PPWD1: variants seen among roughly 807,000 people sequenced by gnomAD.
The protein encoded by PPWD1 is peptidylprolyl isomerase domain and WD repeat containing 1, also known as peptidylprolyl isomerase domain and WD repeat-containing protein 1.
A neutral mutation model predicts 68.8 loss-of-function variants in PPWD1; 43 were observed. The observed-to-expected ratio is 0.62, with a 90% CI of 0.49 to 0.81. PPWD1 has a LOEUF of 0.81. Among genes scored for constraint, PPWD1 ranks in the 30% least tolerant of loss-of-function variants. The pLI is 0.00. For synonymous variants in PPWD1, 232 were observed against 258.7 expected, an observed-to-expected ratio of 0.90 and a Z score of 0.99; for missense variants, 672 against 804.8, an observed-to-expected ratio of 0.83 and a Z score of 2.00.
chr5:65,583,194 A>G lies in PPWD1; in HGVS notation c.1507A>G (p.Ile503Val). The G allele has an allele frequency of 6.3e-7, 1 of 1,593,942 alleles. No individual in the cohort carries two copies. The highest frequency in any genetic ancestry group is 8.5e-7 in the Non-Finnish European group (1 of 1,172,684). The change falls in exon 8 of 11, where the codon ATT (isoleucine) becomes GTT (valine). Residue 503 changes from isoleucine to valine, a missense_variant. By Grantham distance (29) the Ile-to-Val change is conservative (BLOSUM62 3). Transcript: ENST00000261308. ...SAIIHTSMGDIHTKLFPVECP... is the reference protein window; with the variant it reads ...SAIIHTSMGDVHTKLFPVECP... ...CATTATCCACACCAGCATGGGAGAC[A>G]TTCACACCAAACTTTTTCCTGTTGA...
chr5:65,568,910 A>T (rs1049735945), intron 2 of PPWD1: 4 of 455,496 alleles, frequency 8.8e-6, no homozygotes, highest in African/African-American at 8.0e-5. Context: ...TTGTTTTTTT[A>T]ACCCAAGACA....
intron 1 of PPWD1, chr5:65,563,941 T>A: frequency 9.1e-7 from 1 of 1,099,202 alleles, no homozygotes; most frequent in Non-Finnish European, 1.3e-6. Context: ...TTATTTCGAA[T>A]CATGGTAGGT....
At chr5:65,571,268 C>T (rs531609347) in intron 4 of PPWD1, among the ~76,000 whole-genome samples, 1 of 152,146 alleles carries the variant, frequency 6.6e-6, no homozygotes, top group African/African-American at 2.4e-5. Context: ...TGTTTTAGTA[C>T]AATTGATTAG....
intron 7 of PPWD1, among the ~76,000 whole-genome samples, chr5:65,581,682 CTTTTCCA>C (rs1342415878): frequency 6.6e-6 from 1 of 152,162 alleles, no homozygotes; most frequent in East Asian, 1.9e-4. Context: ...TATATTTTTT[CTTTTCCA>C]AGTTTACTTG....
chr5:65,573,493 A>G, intron 5 of PPWD1, among the ~76,000 whole-genome samples: 1 of 66,668 alleles, frequency 1.5e-5, no homozygotes, highest in African/African-American at 6.7e-5. Flanking sequence ...TTTATTAGAG[A>G]TGGGTTTTTT....
At chr5:65,583,268 T>C (rs1246106499) in intron 8 of PPWD1, 49 bp downstream of exon 8, 33 of 1,374,534 alleles carry the variant, frequency 2.4e-5, no homozygotes, top group Non-Finnish European at 2.8e-5. Flanking sequence ...AGAATGTAAA[T>C]GTGTATATCT....
intron 7 of PPWD1, among the ~76,000 whole-genome samples, chr5:65,580,385 C>T (rs925366600): frequency 1.3e-5 from 2 of 152,198 alleles, no homozygotes; most frequent in Non-Finnish European, 2.9e-5. Flanking sequence ...ATTTGCTACA[C>T]GAACCATACT....
At chr5:65,576,286 G>A (rs976176989) in intron 5 of PPWD1, 2 of 981,696 alleles carry the variant, frequency 2.0e-6, no homozygotes, top group African/African-American at 3.5e-5. Flanking sequence ...AAAGGCAGCA[G>A]ATGTATTCTG....
chr5:65,575,077 ATT>A (rs1180731267), intron 5 of PPWD1, among the ~76,000 whole-genome samples: 1 of 152,220 alleles, frequency 6.6e-6, no homozygotes, highest in Non-Finnish European at 1.5e-5. Context: ...ATCTTTTAGT[ATT>A]TATTAACCAG....
chr5:65,568,693 C>A (rs1259875057), intron 2 of PPWD1, among the ~76,000 whole-genome samples: 2 of 152,042 alleles, frequency 1.3e-5, no homozygotes, highest in Non-Finnish European at 2.9e-5. Flanking sequence ...GATTACTTTA[C>A]ACTTTTTTAG....
At chr5:65,563,757 T>A (rs1198790239) in intron 1 of PPWD1, 7 of 1,461,302 alleles carry the variant, frequency 4.8e-6, no homozygotes. Flanking sequence ...AAAACTAACA[T>A]TTTCCTATTC....
intron 5 of PPWD1, among the ~76,000 whole-genome samples, chr5:65,574,149 G>A (rs1474054132): frequency 5.3e-5 from 8 of 152,144 alleles, no homozygotes. Flanking sequence ...TTGATTTGGT[G>A]GCACGTGGTA....
intron 1 of PPWD1, 91 bp downstream of exon 1, chr5:65,563,597 G>C: frequency 1.4e-6 from 2 of 1,467,612 alleles, no homozygotes; most frequent in Non-Finnish European, 1.8e-6. Flanking sequence ...ATGATGTGTG[G>C]AGTTTTGTGC....
At chr5:65,572,635 A>C (rs538593871) in intron 5 of PPWD1, among the ~76,000 whole-genome samples, 2 of 151,918 alleles carry the variant, frequency 1.3e-5, no homozygotes, top group African/African-American at 4.8e-5. Context: ...CTACTTCTAA[A>C]TTTACTTCTC....
chr5:65,565,335 T>G (rs1375690523), intron 1 of PPWD1, among the ~76,000 whole-genome samples: 1 of 152,222 alleles, frequency 6.6e-6, no homozygotes, highest in Non-Finnish European at 1.5e-5. Flanking sequence ...ATGAATATTT[T>G]TGCAAGTTCT....
intron 7 of PPWD1, among the ~76,000 whole-genome samples, chr5:65,580,981 C>T (rs1561731235): frequency 1.3e-5 from 2 of 152,148 alleles, no homozygotes; most frequent in African/African-American, 4.8e-5. Context: ...TAAATACAGG[C>T]ACTATGTCTT....
intron 2 of PPWD1, 121 bp from the exon 3 acceptor site, chr5:65,569,511 T>C: frequency 4.2e-6 from 5 of 1,193,402 alleles, no homozygotes; most frequent in Non-Finnish European, 5.5e-6. Context: ...TAAAGAAGGG[T>C]TTTTTTTAAA....
intron 5 of PPWD1, among the ~76,000 whole-genome samples, chr5:65,573,571 A>C: frequency 1.1e-5 from 1 of 94,500 alleles, no homozygotes; most frequent in African/African-American, 4.4e-5. Context: ...GACGGGTTTC[A>C]CCGTGTTAGC....
intron 6 of PPWD1, among the ~76,000 whole-genome samples, chr5:65,578,761 TATATATATATAC>T (rs1753440157): frequency 1.5e-5 from 1 of 68,326 alleles, no homozygotes; most frequent in Admixed American, 1.2e-4. Flanking sequence ...CATATATGTG[TATATATATATAC>T]ATATATATGT....
Sources: gnomAD v4.1 joint callset for allele counts (sites outside exome capture counted in the v4.1 genomes callset) on GRCh38, gnomAD v4.1.1 for gene constraint, MANE v1.5 for transcripts, NCBI Gene and HGNC (gene_info 2026-07-23, HGNC 2026-07-21) for gene names.